PPP1R11: variants seen among roughly 807,000 people sequenced by gnomAD.
PPP1R11 encodes the protein E3 ubiquitin-protein ligase PPP1R11.
Under a neutral mutation model 11.3 loss-of-function variants are expected in PPP1R11, and 10 were observed. The observed-to-expected ratio is 0.88, with a 90% CI of 0.55 to 1.50. The LOEUF is 1.50. Among genes scored for constraint, PPP1R11 ranks in the 40% most tolerant of loss-of-function variants. The pLI is 0.00. For missense variants in PPP1R11, 114 were observed against 179.1 expected (o/e 0.64, Z 2.07); for synonymous variants, 56 against 62.3 (o/e 0.90, Z 0.48).
upstream of PPP1R11, among the ~76,000 whole-genome samples, chr6:30,066,177 A>G (rs908659152): frequency 3.3e-5 from 5 of 152,140 alleles, no homozygotes; most frequent in East Asian, 9.6e-4. Flanking sequence ...GGCCCATAAC[A>G]GTGATTGGAT....
upstream of PPP1R11, chr6:30,062,151 G>C: frequency 1.4e-6 from 2 of 1,461,204 alleles, no homozygotes; most frequent in Non-Finnish European, 1.9e-6. Flanking sequence ...CGTTTGAGAG[G>C]CGTGATCGCC....
In PPP1R11 at chr6:30,067,330, T is replaced by C; in HGVS notation, c.-81T>C. ...GCTACCACTCTGAATCCGATACCGC[T>C]TCTCTTAGACCTCAGCGACAGAAAA... On this transcript the variant is annotated 5_prime_UTR_variant, in exon 1 of 3. Coordinates refer to ENST00000376772, the MANE Select transcript of PPP1R11 (RefSeq NM_021959.3). 4.2e-6 allele frequency: 6 copies of C among 1,421,914 alleles called. No homozygotes were observed. The highest frequency in any genetic ancestry group is 5.9e-6 in the Non-Finnish European group (6 of 1,013,052). 88.1% of individuals were successfully genotyped at this position (1,421,914 alleles called of 1,614,324 possible). A position where few individuals can be genotyped will look rare whatever the true frequency, so the allele number is the denominator to read the frequency against.
intron 1 of PPP1R11, 151 bp downstream of exon 1, chr6:30,067,630 T>C: frequency 1.1e-6 from 1 of 931,530 alleles, no homozygotes; most frequent in Non-Finnish European, 1.6e-6. Flanking sequence ...CGGAAGGTAT[T>C]GGAGCTATTT....
chr6:30,062,034 A>G (rs1400733048), upstream of PPP1R11: 1 of 1,603,406 alleles, frequency 6.2e-7, no homozygotes, highest in South Asian at 1.1e-5. Context: ...TAATGAGATC[A>G]AGAACTGGCT....
At chr6:30,067,179 A>C, upstream of PPP1R11, 1 of 462,956 alleles carries the variant, frequency 2.2e-6, no homozygotes, top group South Asian at 4.2e-5. Flanking sequence ...GGAAGGGAAA[A>C]AGGGGGACTG....
In PPP1R11 at chr6:30,069,269, ACCCTTCCCAGCC is replaced by A. The variant is rs1352882429; in HGVS notation, c.349_360del (p.Ser117_Pro120del). On this transcript the variant is annotated inframe_deletion, in exon 3 of 3. Transcript: ENST00000376772. The surrounding 1 kb of genome is among the most constrained non-coding windows in gnomAD (Gnocchi z 6.6). ...CCCACCACCCCTCCCCAGCCTCCTG[ACCCTTCCCAGCC>A]CCCTCCAGGGCCAATGCAGCACTAA... 6.3e-7 allele frequency: 1 copy of A among 1,592,928 alleles called. No homozygotes were observed. Among genetic ancestry groups the A allele is most frequent in the Admixed American group, 1.7e-5 (1 of 59,716 alleles).
upstream of PPP1R11, chr6:30,064,580 A>G (rs1582365636): frequency 5.1e-6 from 6 of 1,183,246 alleles, no homozygotes; most frequent in Middle Eastern, 1.4e-3. Flanking sequence ...CATAAATAAA[A>G]GTCCTTCCTT....
intron 2 of PPP1R11, 70 bp downstream of exon 2, chr6:30,068,768 A>C: frequency 7.4e-7 from 1 of 1,351,850 alleles, no homozygotes; most frequent in Non-Finnish European, 1.0e-6. Flanking sequence ...ATCTACTCAT[A>C]TCCACTGGCT....
chr6:30,067,480 G>A lies in PPP1R11; in HGVS notation c.69+1G>A. The A allele has an allele frequency of 6.2e-7, 1 of 1,613,868 alleles. No individual in the cohort carries two copies. Among genetic ancestry groups the A allele is most frequent in the South Asian group, 1.1e-5 (1 of 91,076 alleles). ...AACGGTTACCGTGACAACCGAGCCC[G>A]TGAGAAAGGCGGGGGGGCGGTGCTG... is the stretch of plus-strand genomic sequence containing the variant. On this transcript the variant is annotated splice_donor_variant, in intron 1 of 2. Transcript: ENST00000376772. LOFTEE classifies it high-confidence loss of function.
At chr6:30,061,590 T>C in the PPP1R11 span, 1 of 1,613,090 alleles carries the variant, frequency 6.2e-7, no homozygotes, top group Middle Eastern at 1.6e-4. The surrounding 1 kb of genome is among the most constrained non-coding windows in gnomAD (Gnocchi z 5.0). Context: ...TCTGTTCAGA[T>C]TGCGGCTCGG....
chr6:30,066,398 A>G (rs373225997), upstream of PPP1R11, among the ~76,000 whole-genome samples: 38 of 152,308 alleles, frequency 2.5e-4, 1 homozygote, highest in East Asian at 3.5e-3. Flanking sequence ...GCTCTCTAAG[A>G]AACGTGCATA....
At chr6:30,068,298 C>T (rs1254956068) in intron 1 of PPP1R11, 3 of 260,332 alleles carry the variant, frequency 1.2e-5, no homozygotes, top group Non-Finnish European at 2.2e-5. Flanking sequence ...GGGAGGAAGA[C>T]GGAGAAACAG....
chr6:30,063,739 C>T (rs1198515024), upstream of PPP1R11, among the ~76,000 whole-genome samples: 1 of 152,036 alleles, frequency 6.6e-6, no homozygotes, highest in African/African-American at 2.4e-5. The surrounding 1 kb of genome is among the most constrained non-coding windows in gnomAD (Gnocchi z 4.1). Context: ...GCTGTATTCT[C>T]AGCATTTGTG....
In PPP1R11 at chr6:30,069,857, G is replaced by A. The variant is rs1184718190; in HGVS notation, c.*551G>A. The stretch of plus-strand genomic sequence containing the variant: ...CTGCTAACCCTTCTCACACCCTCAA[G>A]AGGAGTTAGAAAAGAGGTCCTTGTC... On this transcript the variant is annotated 3_prime_UTR_variant, in exon 3 of 3. Coordinates refer to ENST00000376772, the MANE Select transcript of PPP1R11 (RefSeq NM_021959.3). This position sits in a 1 kb window ranked among gnomAD's most constrained non-coding sequence, Gnocchi z 6.6. 1 of 153,146 alleles carries A rather than the reference G, an allele frequency of 6.5e-6. No homozygotes were observed. The highest frequency in any genetic ancestry group is 1.5e-5 in the Non-Finnish European group (1 of 68,614). 9.5% of individuals were successfully genotyped at this position (153,146 alleles called of 1,614,324 possible). A position where few individuals can be genotyped will look rare whatever the true frequency, so the allele number is the denominator to read the frequency against.
upstream of PPP1R11, among the ~76,000 whole-genome samples, chr6:30,065,672 A>T (rs1301076244): frequency 6.6e-6 from 1 of 152,166 alleles, no homozygotes; most frequent in Non-Finnish European, 1.5e-5. This position sits in a 1 kb window ranked among gnomAD's most constrained non-coding sequence, Gnocchi z 5.3. Flanking sequence ...GATGAATTGT[A>T]TATCTATTAT....
At chr6:30,061,528 T>A in the PPP1R11 span, 1 of 1,613,046 alleles carries the variant, frequency 6.2e-7, no homozygotes, top group Non-Finnish European at 8.5e-7. The surrounding 1 kb of genome is among the most constrained non-coding windows in gnomAD (Gnocchi z 5.0). Context: ...CGACCGCATG[T>A]CTGTCATGGA....
At chr6:30,061,621 C>T in the PPP1R11 span, 1 of 1,613,072 alleles carries the variant, frequency 6.2e-7, no homozygotes, top group Non-Finnish European at 8.5e-7. The surrounding 1 kb of genome is among the most constrained non-coding windows in gnomAD (Gnocchi z 5.0). Context: ...GCCCGGGGCT[C>T]AGGATACGGT....
At chr6:30,062,478 T>C (rs1417539813), upstream of PPP1R11, 4 of 558,578 alleles carry the variant, frequency 7.2e-6, no homozygotes, top group East Asian at 2.8e-5. Context: ...TTTGTAGTTG[T>C]TTTTTATTTT....
chr6:30,069,112 A>G lies in PPP1R11; in HGVS notation c.187A>G (p.Ile63Val), dbSNP rs533813773. The G allele has an allele frequency of 1.2e-6, 2 of 1,606,146 alleles. No individual in the cohort carries two copies. The highest frequency in any genetic ancestry group is 1.3e-5 in the African/African-American group (1 of 74,850). ...MGRRSSKCCCIYEKPRAFGES... is the reference protein window; with the variant it reads ...MGRRSSKCCCVYEKPRAFGES... ...CCTCCCTCTAAATCTAGGCTGCTGT[A>G]TTTATGAGAAACCTCGGGCCTTTGG... Residue 63 changes from isoleucine (I) to valine (V), a missense_variant, in exon 3 of 3, where the codon ATT becomes GTT. Coordinates refer to ENST00000376772, the MANE Select transcript of PPP1R11 (RefSeq NM_021959.3). This position sits in a 1 kb window ranked among gnomAD's most constrained non-coding sequence, Gnocchi z 6.6.
Sources: gnomAD v4.1 joint callset for allele counts (sites outside exome capture counted in the v4.1 genomes callset) on GRCh38, gnomAD v4.1.1 for gene constraint, Gnocchi (gnomAD v3.1) non-coding constraint, MANE v1.5 for transcripts, NCBI Gene and HGNC (gene_info 2026-07-23, HGNC 2026-07-21) for gene names.